Variants in KIF6 observed in about 807,000 individuals in gnomAD.
The protein encoded by KIF6 is kinesin family member 6.
KIF6 carries 106 observed loss-of-function variants against 112.7 expected under a neutral mutation model. The observed-to-expected ratio is 0.94, with a 90% CI of 0.80 to 1.11. The LOEUF is 1.11. Ranked by LOEUF, KIF6 falls within the 50% of genes least tolerant of loss-of-function variation. The pLI is 0.00. For synonymous variants in KIF6, 339 were observed against 339.9 expected (o/e 1.00, Z 0.03); for missense variants, 929 against 964.0 (o/e 0.96, Z 0.48).
intron 9 of KIF6, among the ~76,000 whole-genome samples, chr6:39,579,615 C>T: frequency 6.6e-6 from 1 of 151,888 alleles, no homozygotes; most frequent in East Asian, 1.9e-4. Context: ...ATGTGTTGTA[C>T]TTTTGTGTCA....
chr6:39,379,769 C>T (rs933461799), intron 16 of KIF6, among the ~76,000 whole-genome samples: 1 of 152,240 alleles, frequency 6.6e-6, no homozygotes, highest in African/African-American at 2.4e-5. Context: ...CTGGATACAG[C>T]CCTCTGTGGA....
At chr6:39,571,820 T>C (rs1780653234) in intron 10 of KIF6, among the ~76,000 whole-genome samples, 1 of 152,192 alleles carries the variant, frequency 6.6e-6, no homozygotes, top group Non-Finnish European at 1.5e-5. Context: ...CAGTTAGTGT[T>C]TGCTATATGC....
In KIF6 at chr6:39,486,191, C is replaced by T. The variant is rs542173496; in HGVS notation, c.1645+53812G>A. On this transcript the variant is annotated intron_variant, in intron 13 of 22. Transcript: ENST00000287152. ...AAGATATCACGGAAGTATCACTATG[C>T]CAGTTCTGGGCCTAGCTTTTCAGAA... 5.1e-4 allele frequency among the ~76,000 whole-genome samples: 78 copies of T among 152,338 alleles called. No individual in the cohort carries two copies. In the South Asian group the frequency reaches 0.01, roughly 20 times the overall value.
chr6:39,586,175 GA>G, intron 8 of KIF6, 85 bp downstream of exon 8: 1 of 1,434,808 alleles, frequency 7.0e-7, no homozygotes, highest in Non-Finnish European at 9.7e-7. Flanking sequence ...TGAAAATGTA[GA>G]AACCCACCCA....
At chr6:39,513,043 A>G (rs1776865804) in intron 13 of KIF6, among the ~76,000 whole-genome samples, 1 of 152,186 alleles carries the variant, frequency 6.6e-6, no homozygotes, top group East Asian at 1.9e-4. Flanking sequence ...ATTTGCCCAA[A>G]ATCACACAGC....
rs920389431 is a variant in KIF6, at chr6:39,648,226, G to T, written c.252-8469C>A. 2.0e-4 allele frequency among the ~76,000 whole-genome samples: 22 copies of T among 109,148 alleles called. 1 individual carries two copies. The highest frequency in any genetic ancestry group is 3.8e-4 in the Admixed American group (4 of 10,498). 71.6% of individuals were successfully genotyped at this position (109,148 alleles called of 152,430 possible). On this transcript the variant is annotated intron_variant, in intron 3 of 22. Coordinates refer to ENST00000287152, the MANE Select transcript of KIF6 (RefSeq NM_145027.6). ...TTTAGTAGAGACGGGGGGCGGGCGG[G>T]GGGGGGTGCCTCACCATGTTGGCCA... is the stretch of plus-strand genomic sequence containing the variant.
chr6:39,420,149 A>G, intron 14 of KIF6, 146 bp from the exon 15 acceptor site: 2 of 625,412 alleles, frequency 3.2e-6, no homozygotes, highest in Non-Finnish European at 5.6e-6. Context: ...AAAATATATT[A>G]GGCTTAAAAA....
chr6:39,548,704 C>T (rs931764474), intron 10 of KIF6, among the ~76,000 whole-genome samples: 1 of 152,198 alleles, frequency 6.6e-6, no homozygotes. Context: ...TTCCTATCTA[C>T]CAAAATAGTG....
chr6:39,430,840 A>G (rs751467345), intron 14 of KIF6, among the ~76,000 whole-genome samples: 5 of 152,240 alleles, frequency 3.3e-5, no homozygotes, highest in Admixed American at 6.5e-5. Context: ...CCTGCCCTAA[A>G]GTTGCTTACC....
At chr6:39,463,046 A>G (rs1437094274) in intron 13 of KIF6, among the ~76,000 whole-genome samples, 1 of 152,230 alleles carries the variant, frequency 6.6e-6, no homozygotes, top group East Asian at 1.9e-4. Flanking sequence ...CAGCTAAGAC[A>G]ACAGCTAAGA....
chr6:39,566,792 A>G (rs1193552034), intron 10 of KIF6, among the ~76,000 whole-genome samples: 1 of 152,216 alleles, frequency 6.6e-6, no homozygotes, highest in Non-Finnish European at 1.5e-5. Flanking sequence ...TGTGAAATTT[A>G]GTATAAAAGT....
intron 3 of KIF6, among the ~76,000 whole-genome samples, chr6:39,671,458 G>A (rs541873128): frequency 1.3e-5 from 2 of 152,310 alleles, no homozygotes; most frequent in South Asian, 2.1e-4. Flanking sequence ...TGAGGGTCTA[G>A]CCCGCTTCTA....
chr6:39,442,765 G>T (rs528994374), intron 13 of KIF6, among the ~76,000 whole-genome samples: 1 of 152,236 alleles, frequency 6.6e-6, no homozygotes, highest in Admixed American at 6.5e-5. Flanking sequence ...ATTCTTTGTA[G>T]GTTGACTGAC....
At chr6:39,651,334 T>A (rs1475361065) in intron 3 of KIF6, among the ~76,000 whole-genome samples, 1 of 152,054 alleles carries the variant, frequency 6.6e-6, no homozygotes, top group East Asian at 1.9e-4. Flanking sequence ...ACAAAGGGCC[T>A]ATCTTCAGGG....
chr6:39,408,636 T>C (rs1769260036), intron 15 of KIF6, among the ~76,000 whole-genome samples: 1 of 152,136 alleles, frequency 6.6e-6, no homozygotes, highest in South Asian at 2.1e-4. Flanking sequence ...CCTCTCTCTC[T>C]CTCTCTCTCT....
intron 13 of KIF6, among the ~76,000 whole-genome samples, chr6:39,441,052 C>T (rs905063428): frequency 3.3e-5 from 5 of 152,150 alleles, no homozygotes; most frequent in African/African-American, 1.2e-4. Context: ...GTGTCTTTAC[C>T]TTCCTCCCAC....
chr6:39,606,207 A>C (rs897199318), intron 6 of KIF6, among the ~76,000 whole-genome samples: 28 of 150,960 alleles, frequency 1.9e-4, no homozygotes, highest in Non-Finnish European at 3.5e-4. Context: ...TAATCTCTTT[A>C]ATGGCTTTTT....
At chr6:39,437,239 T>A (rs1771589164) in intron 13 of KIF6, among the ~76,000 whole-genome samples, 1 of 152,232 alleles carries the variant, frequency 6.6e-6, no homozygotes, top group Non-Finnish European at 1.5e-5. Flanking sequence ...CTTTACTGAA[T>A]TCATTTATCA....
At chr6:39,530,970 C>T (rs543462725) in intron 13 of KIF6, among the ~76,000 whole-genome samples, 8 of 152,108 alleles carry the variant, frequency 5.3e-5, no homozygotes, top group Admixed American at 2.0e-4. Flanking sequence ...TTACCTGTTG[C>T]TTTGCCGCCT....
Sources: allele counts gnomAD v4.1 joint callset (sites outside exome capture counted in the v4.1 genomes callset), GRCh38; gene constraint gnomAD v4.1.1; transcripts MANE v1.5; gene names NCBI Gene and HGNC (gene_info 2026-07-23, HGNC 2026-07-21).